The following RYR2 variants were observed in gnomAD, a reference collection of about 807,000 sequenced individuals.
RYR2 encodes the protein cardiac muscle ryanodine receptor-calcium release channel.
A neutral mutation model predicts 601.1 loss-of-function variants in RYR2; 227 were observed. That is an observed-to-expected ratio of 0.38 (90% CI 0.34 to 0.42). The LOEUF (loss-of-function observed/expected upper bound fraction) is 0.42, where lower values mean the gene tolerates loss of function less well. RYR2 is among the 10% of genes least tolerant of loss of function. RYR2 has a pLI of 1.00. For missense variants in RYR2, 4,646 were observed against 6,156.5 expected, an observed-to-expected ratio of 0.75 and a Z score of 8.21; for synonymous variants, 2,223 against 2,175.1, an observed-to-expected ratio of 1.02 and a Z score of -0.61.
intron 1 of RYR2, among the ~76,000 whole-genome samples, chr1:237,219,336 G>A (rs897967325): frequency 9.2e-5 from 14 of 152,006 alleles, no homozygotes; most frequent in African/African-American, 1.9e-4. Flanking sequence ...ATGTTAATCC[G>A]TCCATTCACT....
intron 1 of RYR2, among the ~76,000 whole-genome samples, chr1:237,218,347 T>A (rs1683411904): frequency 6.6e-6 from 1 of 152,142 alleles, no homozygotes. Context: ...GAACTGGGAT[T>A]ATTGTGTATT....
chr1:237,322,017 A>C, intron 2 of RYR2, among the ~76,000 whole-genome samples: 1 of 152,180 alleles, frequency 6.6e-6, no homozygotes, highest in Middle Eastern at 3.4e-3. Flanking sequence ...TTATTGAAAA[A>C]CCTAGCAATT....
At position 237,425,315 on chromosome 1, in the gene RYR2, C is replaced by T. The variant is rs140929958; in HGVS notation, c.1005+2067C>T. Among the ~76,000 whole-genome samples the T allele has an allele frequency of 9.7e-3, 1,483 of 152,216 alleles. 30 individuals are homozygous for T. Among genetic ancestry groups the T allele is most frequent in the African/African-American group, 0.034 (1,404 of 41,512 alleles). On this transcript the variant is annotated intron_variant, in intron 12 of 104. Coordinates refer to ENST00000366574, the MANE Select transcript of RYR2 (RefSeq NM_001035.3). ...AACATGGGGATATAGGGATCACCAA[C>T]ACCCCTCCCCCATGCAATTGAAATC...
intron 84 of RYR2, among the ~76,000 whole-genome samples, chr1:237,765,172 T>A (rs370150629): frequency 6.6e-6 from 1 of 152,192 alleles, no homozygotes; most frequent in African/African-American, 2.4e-5. Flanking sequence ...AAAACCTGTA[T>A]GAATATTTAA....
chr1:237,248,337 G>T (rs1051055666), intron 1 of RYR2, among the ~76,000 whole-genome samples: 5 of 125,778 alleles, frequency 4.0e-5, no homozygotes, highest in Non-Finnish European at 6.2e-5. Flanking sequence ...AAAATCCATT[G>T]GTTTCAAAGG....
At chr1:237,126,769 T>A (rs1283384827) in intron 1 of RYR2, among the ~76,000 whole-genome samples, 3 of 151,744 alleles carry the variant, frequency 2.0e-5, no homozygotes, top group Non-Finnish European at 4.4e-5. Context: ...TTATTTTATT[T>A]TTTTTATTTA....
intron 1 of RYR2, among the ~76,000 whole-genome samples, chr1:237,084,052 C>T (rs1457383841): frequency 6.6e-6 from 1 of 152,174 alleles, no homozygotes; most frequent in Non-Finnish European, 1.5e-5. Context: ...TTGGTTCTCT[C>T]ACTGTCCAAG....
intron 21 of RYR2, among the ~76,000 whole-genome samples, chr1:237,502,101 T>G (rs1219551559): frequency 6.6e-6 from 1 of 152,146 alleles, no homozygotes; most frequent in East Asian, 1.9e-4. Flanking sequence ...GAGGCTGTAG[T>G]AACCTGTGAC....
rs34435442 is a variant in RYR2, at chr1:237,760,361, TA to T, written c.11402+531del. Among the ~76,000 whole-genome samples the T allele has an allele frequency of 6.3e-3, 629 of 100,126 alleles. 2 individuals are homozygous for T. The highest frequency in any genetic ancestry group is 8.5e-3 in the Non-Finnish European group (451 of 53,182). The allele number at this position is 100,126 out of a possible 152,430, so 65.7% of individuals were successfully genotyped here. On this transcript the variant is annotated intron_variant, in intron 83 of 104. Transcript: ENST00000366574. ...ACAGAGTGAGACCCTGTCGCTAATTTAAAAAAAAAAAAAAAAAAAAAAGCCT... is the reference window on the plus strand; with the variant it reads ...ACAGAGTGAGACCCTGTCGCTAATTTAAAAAAAAAAAAAAAAAAAAAGCCT...
chr1:237,714,881 C>A (rs1215285086), intron 71 of RYR2, among the ~76,000 whole-genome samples: 2 of 150,642 alleles, frequency 1.3e-5, no homozygotes, highest in South Asian at 4.2e-4. Flanking sequence ...CTAATCCCAG[C>A]TACTTGGGAG....
In RYR2 at chr1:237,589,901, A is replaced by G. The variant is rs1421115838; in HGVS notation, c.3707A>G (p.Tyr1236Cys). ...YFTICGLQEG[Y>C]EPFAVNTNRD... ...ACCATCTGTGGCTTACAAGAGGGCT[A>G]TGAACCATTTGCCGTTAATACAAAC... is the stretch of plus-strand genomic sequence containing the variant. Residue 1236 changes from tyrosine to cysteine, a missense_variant, in exon 30 of 105, where the codon TAT becomes TGT. By Grantham distance (194) the Tyr-to-Cys change is radical. Coordinates refer to ENST00000366574, the MANE Select transcript of RYR2 (RefSeq NM_001035.3). 3.1e-6 allele frequency: 5 copies of G among 1,613,846 alleles called. No individual in the cohort carries two copies. The highest frequency in any genetic ancestry group is 1.7e-5 in the Admixed American group (1 of 60,002).
chr1:237,524,152 CTG>C (rs1256344447), intron 24 of RYR2, among the ~76,000 whole-genome samples: 3 of 152,190 alleles, frequency 2.0e-5, no homozygotes, highest in African/African-American at 7.2e-5. Flanking sequence ...AAACTGGAAA[CTG>C]TGCAAATGTT....
Position 237,374,802 on chromosome 1 carries a change from A to C in RYR2, c.463+7A>C, listed in dbSNP as rs755850445. On this transcript the variant is annotated splice_region_variant and intron_variant, in intron 7 of 104. Transcript: ENST00000366574. ...TTGCAAGAGGACACCACAGGTAAGC[A>C]TCTTGTGCTGCGGGAAGCCAGGTTC... 1 of 1,609,446 alleles carries C rather than the reference A, an allele frequency of 6.2e-7. No homozygotes were observed. The highest frequency in any genetic ancestry group is 2.2e-5 in the East Asian group (1 of 44,790).
chr1:237,481,115 T>TATATATAC (rs1553467448), intron 17 of RYR2, among the ~76,000 whole-genome samples: 4 of 74,886 alleles, frequency 5.3e-5, no homozygotes, highest in Admixed American at 3.1e-4. Flanking sequence ...TACATATATA[T>TATATATAC]ATATATATAT....
At chr1:237,526,981 T>C (rs1667655949) in intron 24 of RYR2, among the ~76,000 whole-genome samples, 1 of 152,180 alleles carries the variant, frequency 6.6e-6, no homozygotes, top group Admixed American at 6.6e-5. Context: ...TTTTTGTACA[T>C]GGTGAGAGAT....
Position 237,352,471 on chromosome 1 carries a change from C to G in RYR2, c.274-3494C>G, listed in dbSNP as rs1483672900. Among the ~76,000 whole-genome samples, 10 of 152,044 alleles carry G rather than the reference C, an allele frequency of 6.6e-5. No homozygotes were observed. In the South Asian group the frequency reaches 2.1e-3, roughly 32 times the overall value. On this transcript the variant is annotated intron_variant, in intron 3 of 104. Coordinates refer to ENST00000366574, the MANE Select transcript of RYR2 (RefSeq NM_001035.3). ...TGACCTTAAAAAAAGGATAAATATA[C>G]CATGTTCATATATTGGGAGGCTCAA...
At chr1:237,744,288 A>G (rs1691866594) in intron 80 of RYR2, among the ~76,000 whole-genome samples, 3 of 152,026 alleles carry the variant, frequency 2.0e-5, no homozygotes, top group Admixed American at 2.0e-4. Flanking sequence ...TGGTAGGAAA[A>G]TCAATCATAA....
chr1:237,737,101 A>C (rs755559445), intron 79 of RYR2, among the ~76,000 whole-genome samples: 3 of 152,172 alleles, frequency 2.0e-5, no homozygotes, highest in Non-Finnish European at 2.9e-5. Flanking sequence ...GAAGCTCTTG[A>C]TTTAAGAATA....
chr1:237,730,198 C>T, intron 76 of RYR2, 62 bp from the exon 77 acceptor site: 1 of 894,228 alleles, frequency 1.1e-6, no homozygotes, highest in Non-Finnish European at 1.9e-6. Context: ...TAAAGCACTA[C>T]TCAATACAAT....
Sources: gnomAD v4.1 joint callset for allele counts (sites outside exome capture counted in the v4.1 genomes callset) on GRCh38, gnomAD v4.1.1 for gene constraint, MANE v1.5 for transcripts, NCBI Gene and HGNC (gene_info 2026-07-23, HGNC 2026-07-21) for gene names.